Variants in CCDC91 observed in about 807,000 individuals in gnomAD.
CCDC91 encodes the protein coiled-coil domain containing 91, also known as coiled-coil domain-containing protein 91.
CCDC91 carries 48 observed loss-of-function variants against 63.2 expected under a neutral mutation model. That is an observed-to-expected ratio of 0.76 (90% CI 0.60 to 0.97). CCDC91 has a LOEUF of 0.97. Ranked by LOEUF, CCDC91 falls within the 50% of genes least tolerant of loss-of-function variation. The pLI is 0.00. For synonymous variants in CCDC91, 167 were observed against 165.8 expected (o/e 1.01, Z -0.06); for missense variants, 500 against 494.6 (o/e 1.01, Z -0.10).
chr12:28,204,182 T>C (rs547915722), intron 1 of CCDC91, among the ~76,000 whole-genome samples: 1 of 152,302 alleles, frequency 6.6e-6, no homozygotes, highest in South Asian at 2.1e-4. Context: ...GTCACATGAT[T>C]GGTGCCCTCA....
chr12:28,461,223 G>A (rs1285032191), intron 11 of CCDC91, among the ~76,000 whole-genome samples: 1 of 152,034 alleles, frequency 6.6e-6, no homozygotes, highest in East Asian at 1.9e-4. Context: ...TGTACAAACT[G>A]AAACTATGAA....
rs554174859 is a variant in CCDC91 at position 28,243,851 on chromosome 12, AG to A, written c.-14-13350del. Reference sequence around the variant, plus strand: ...AGTCTCTACCAAAATTTTGAGGAATAGATTATTCCAATCTGTTGCAATCTTT... The same window carrying A: ...AGTCTCTACCAAAATTTTGAGGAATAATTATTCCAATCTGTTGCAATCTTT... On this transcript the variant is annotated intron_variant, in intron 1 of 12. Transcript: ENST00000536442. Among the ~76,000 whole-genome samples the A allele has an allele frequency of 3.9e-5, 6 of 152,338 alleles. No homozygotes were observed. In the East Asian group the frequency reaches 9.6e-4, roughly 24 times the overall value.
chr12:28,386,441 T>C (rs1945604215), intron 7 of CCDC91, among the ~76,000 whole-genome samples: 1 of 152,202 alleles, frequency 6.6e-6, no homozygotes, highest in African/African-American at 2.4e-5. Flanking sequence ...TGATCTCAGC[T>C]CACTGTAACC....
At chr12:28,373,616 T>G (rs2138885406) in intron 7 of CCDC91, among the ~76,000 whole-genome samples, 1 of 4,596 alleles carries the variant, frequency 2.2e-4, no homozygotes, top group South Asian at 0.25. Flanking sequence ...TTCTATACAT[T>G]TTTTTTTTGA....
intron 3 of CCDC91, among the ~76,000 whole-genome samples, chr12:28,272,496 G>A (rs1947851786): frequency 6.9e-6 from 1 of 144,058 alleles, no homozygotes; most frequent in African/African-American, 2.6e-5. Flanking sequence ...TGGCTGTTCT[G>A]CCATCTGAGT....
chr12:28,504,353 A>G (rs1314186091), intron 12 of CCDC91, among the ~76,000 whole-genome samples: 1 of 151,886 alleles, frequency 6.6e-6, no homozygotes, highest in South Asian at 2.1e-4. Context: ...TATTTATTCT[A>G]TTCATTCATT....
In CCDC91 at chr12:28,477,210, A is replaced by C. The variant is rs191858010; in HGVS notation, c.1102-6842A>C. Among the ~76,000 whole-genome samples, 421 of 152,314 alleles carry C rather than the reference A, an allele frequency of 2.8e-3. 2 individuals carry two copies. The highest frequency in any genetic ancestry group is 7.4e-3 in the African/African-American group (309 of 41,578). ...CAATATCCCTGATGAACATGGATGC[A>C]AAAGTCCTCAATAAAATACTGGCAA... On this transcript the variant is annotated intron_variant, in intron 11 of 12. Coordinates refer to ENST00000536442, the MANE Select transcript of CCDC91 (RefSeq NM_018318.5).
At chr12:28,518,401 CAT>C (rs1293850395) in intron 12 of CCDC91, among the ~76,000 whole-genome samples, 1 of 151,560 alleles carries the variant, frequency 6.6e-6, no homozygotes, top group African/African-American at 2.4e-5. Flanking sequence ...AGCATTTTTT[CAT>C]ATGTTTGTTG....
intron 12 of CCDC91, among the ~76,000 whole-genome samples, chr12:28,540,055 G>T (rs1942511762): frequency 1.3e-5 from 2 of 152,106 alleles, no homozygotes; most frequent in South Asian, 4.1e-4. Context: ...TAGTTAGCCA[G>T]TTTTATCAGT....
chr12:28,372,013 T>A (rs1186296180), intron 7 of CCDC91, among the ~76,000 whole-genome samples: 1 of 152,248 alleles, frequency 6.6e-6, no homozygotes, highest in Non-Finnish European at 1.5e-5. Context: ...TTGATTTTTG[T>A]GTATGGTGAG....
chr12:28,291,912 A>T (rs568798422), intron 3 of CCDC91, among the ~76,000 whole-genome samples: 17 of 152,126 alleles, frequency 1.1e-4, no homozygotes, highest in Non-Finnish European at 2.2e-4. Context: ...TCAACTTCCA[A>T]TGGCCAGCCA....
intron 7 of CCDC91, among the ~76,000 whole-genome samples, chr12:28,386,522 C>T (rs1202536880): frequency 2.0e-5 from 3 of 152,058 alleles, no homozygotes; most frequent in Non-Finnish European, 4.4e-5. Flanking sequence ...GTGCACTCCA[C>T]GATGCCCCAC....
chr12:28,352,575 A>G (rs972311117), intron 6 of CCDC91, among the ~76,000 whole-genome samples: 3 of 152,132 alleles, frequency 2.0e-5, no homozygotes, highest in Admixed American at 6.5e-5. Flanking sequence ...GCAACTCCTT[A>G]TCTGTTCGAG....
intron 1 of CCDC91, among the ~76,000 whole-genome samples, chr12:28,237,235 T>TACACACACACACAC (rs58134900): frequency 0.2 from 28,684 of 142,856 alleles, 3,450 homozygotes; most frequent in Non-Finnish European, 0.26. Context: ...GTATTACACA[T>TACACACACACACAC]ACACACACAC....
intron 12 of CCDC91, among the ~76,000 whole-genome samples, chr12:28,507,611 G>A (rs1371739655): frequency 1.3e-5 from 2 of 151,848 alleles, no homozygotes; most frequent in African/African-American, 2.4e-5. Flanking sequence ...TTCATCTTTG[G>A]AGAAAACACT....
chr12:28,200,911 C>T (rs1456078337), intron 1 of CCDC91, among the ~76,000 whole-genome samples: 9 of 149,708 alleles, frequency 6.0e-5, no homozygotes, highest in Admixed American at 4.0e-4. Flanking sequence ...GGGCTGACCC[C>T]GCCACCTCCC....
intron 8 of CCDC91, among the ~76,000 whole-genome samples, chr12:28,413,100 T>G (rs1947421139): frequency 6.6e-6 from 1 of 152,188 alleles, no homozygotes; most frequent in African/African-American, 2.4e-5. Flanking sequence ...TGTTTTCTCA[T>G]TTCTCCAAAA....
chr12:28,316,883 T>A (rs1387520223), intron 6 of CCDC91, among the ~76,000 whole-genome samples: 1 of 151,948 alleles, frequency 6.6e-6, no homozygotes, highest in Non-Finnish European at 1.5e-5. Context: ...TCAATTTGGA[T>A]TTTCCCAGCA....
Position 28,549,156 on chromosome 12 carries a change from C to G in CCDC91, c.1309C>G (p.Pro437Ala). 6.2e-7 allele frequency: 1 copy of G among 1,604,924 alleles called. No homozygotes were observed. Among genetic ancestry groups the G allele is most frequent in the Non-Finnish European group, 8.5e-7 (1 of 1,172,134 alleles). The change falls in exon 13 of 13, where the codon CCA becomes GCA. Residue 437 changes from proline (P) to alanine (A), a missense_variant. By Grantham distance (27) the Pro-to-Ala change is conservative (BLOSUM62 -1). Coordinates refer to ENST00000536442, the MANE Select transcript of CCDC91 (RefSeq NM_018318.5). ...GTTAAGTGCTTTAATAGCTACGGAA[C>G]CAGTTGACATTGAATAAAAAGAACA... ...KQLSALIATEPVDIE is the reference protein window; with the variant it reads ...KQLSALIATEAVDIE
Sources: gnomAD v4.1 joint callset for allele counts (sites outside exome capture counted in the v4.1 genomes callset) on GRCh38, gnomAD v4.1.1 for gene constraint, MANE v1.5 for transcripts, NCBI Gene and HGNC (gene_info 2026-07-23, HGNC 2026-07-21) for gene names.